The following DOCK7 variants were observed in gnomAD, a reference collection of about 807,000 sequenced individuals.
DOCK7 encodes dedicator of cytokinesis 7.
Under a neutral mutation model 271.0 loss-of-function variants are expected in DOCK7, and 138 were observed. The observed-to-expected ratio is 0.51, with a 90% CI of 0.44 to 0.59. The LOEUF is 0.59. Ranked by LOEUF, DOCK7 falls within the 20% of genes least tolerant of loss-of-function variation. DOCK7 has a pLI of 0.00. For missense variants in DOCK7, 2,066 were observed against 2,592.4 expected (o/e 0.80, Z 4.41); for synonymous variants, 823 against 876.1 (o/e 0.94, Z 1.07).
At chr1:62,626,917 C>T (rs964988853) in intron 11 of DOCK7, among the ~76,000 whole-genome samples, 2 of 152,050 alleles carry the variant, frequency 1.3e-5, no homozygotes, top group Non-Finnish European at 2.9e-5. Context: ...GATACCAAAA[C>T]CAGACAGAGT....
chr1:62,578,999 A>G (rs756740692), intron 16 of DOCK7, 33 bp from the exon 17 acceptor site: 3 of 1,503,910 alleles, frequency 2.0e-6, no homozygotes. Flanking sequence ...ATCAACAGTC[A>G]GTAATTTGTC....
intron 14 of DOCK7, among the ~76,000 whole-genome samples, chr1:62,616,400 A>G (rs1652440309): frequency 1.3e-5 from 2 of 151,828 alleles, no homozygotes; most frequent in African/African-American, 4.8e-5. Flanking sequence ...TTAAACAAAT[A>G]TAAATAATGG....
intron 24 of DOCK7, 191 bp downstream of exon 24, chr1:62,543,465 T>C (rs1219547662): frequency 9.7e-6 from 4 of 412,440 alleles, no homozygotes; most frequent in Non-Finnish European, 1.8e-5. Context: ...AACATTATCA[T>C]AATGTAAAAA....
At chr1:62,623,226 C>A (rs973817386) in intron 12 of DOCK7, among the ~76,000 whole-genome samples, 1 of 152,190 alleles carries the variant, frequency 6.6e-6, no homozygotes, top group African/African-American at 2.4e-5. Context: ...AAATGGTAAT[C>A]TCTTTTTTTA....
chr1:62,571,322 C>T (rs1303844813), intron 18 of DOCK7, among the ~76,000 whole-genome samples: 6 of 152,140 alleles, frequency 3.9e-5, no homozygotes, highest in African/African-American at 1.4e-4. Flanking sequence ...CACTGATCAT[C>T]AGATAAATGC....
intron 1 of DOCK7, among the ~76,000 whole-genome samples, chr1:62,665,565 G>A (rs1245733740): frequency 6.6e-6 from 1 of 151,594 alleles, no homozygotes; most frequent in African/African-American, 2.4e-5. Flanking sequence ...TTAGCCAGGC[G>A]TGGTGGTGCC....
At chr1:62,650,479 AAAG>A (rs771799062) in intron 4 of DOCK7, among the ~76,000 whole-genome samples, 2 of 152,248 alleles carry the variant, frequency 1.3e-5, no homozygotes, top group Non-Finnish European at 2.9e-5. Flanking sequence ...CTGCACAGCA[AAAG>A]AAACTACCAT....
chr1:62,633,490 C>T lies in DOCK7; in HGVS notation c.1116+8G>A. The T allele has an allele frequency of 6.3e-7, 1 of 1,593,906 alleles. No individual in the cohort carries two copies. ...AATGTGGCGGAAATGAGAAGCATAACATTCTACCTTGGTGGCATCTGCTTC... is the reference window on the plus strand; with the variant it reads ...AATGTGGCGGAAATGAGAAGCATAATATTCTACCTTGGTGGCATCTGCTTC... On this transcript the variant is annotated splice_region_variant and intron_variant, in intron 10 of 49. Transcript: ENST00000635253.
At chr1:62,505,561 A>G (rs1571325833) in intron 36 of DOCK7, 121 bp downstream of exon 36, 51 of 1,097,198 alleles carry the variant, frequency 4.6e-5, no homozygotes, top group Non-Finnish European at 6.0e-5. Context: ...TTTAAATTTT[A>G]ACTACACATA....
At chr1:62,524,953 A>ATATATG (rs1325570197) in intron 31 of DOCK7, among the ~76,000 whole-genome samples, 1 of 119,420 alleles carries the variant, frequency 8.4e-6, no homozygotes, top group Admixed American at 9.0e-5. Context: ...ATATATATAT[A>ATATATG]TATTACTATA....
At chr1:62,667,398 T>G (rs1378113034) in intron 1 of DOCK7, among the ~76,000 whole-genome samples, 1 of 152,196 alleles carries the variant, frequency 6.6e-6, no homozygotes, top group East Asian at 1.9e-4. Context: ...AAAAAAGGAC[T>G]AGCTAAAAAT....
intron 1 of DOCK7, among the ~76,000 whole-genome samples, chr1:62,671,807 T>C (rs1327293690): frequency 6.6e-6 from 1 of 152,148 alleles, no homozygotes; most frequent in African/African-American, 2.4e-5. Context: ...AAAAACAATT[T>C]TTTTAACAGG....
chr1:62,583,829 A>G (rs1647215572), intron 15 of DOCK7, among the ~76,000 whole-genome samples: 1 of 152,186 alleles, frequency 6.6e-6, no homozygotes, highest in South Asian at 2.1e-4. Flanking sequence ...ATTAAAAAGA[A>G]TACAATATTA....
intron 43 of DOCK7, chr1:62,484,027 TC>T (rs769498587): frequency 2.0e-5 from 3 of 152,238 alleles, no homozygotes; most frequent in Admixed American, 6.5e-5. Context: ...CTGTTTCTAA[TC>T]CTGTTCTATC....
intron 12 of DOCK7, among the ~76,000 whole-genome samples, chr1:62,620,709 T>A: frequency 6.6e-6 from 1 of 150,926 alleles, no homozygotes; most frequent in South Asian, 2.1e-4. Context: ...TGAAACCCTG[T>A]CTCTACTAAA....
rs1430277421 is a variant in DOCK7 at position 62,555,886 on chromosome 1, A to T, written c.2535T>A (p.Leu845=). The T allele has an allele frequency of 3.7e-6, 6 of 1,613,844 alleles. No homozygotes were observed. Among genetic ancestry groups the T allele is most frequent in the Non-Finnish European group, 5.1e-6 (6 of 1,179,946 alleles). ...GGAAAACATAATGAATATATGATGC[A>T]AGAAGGCTGTTTCTGCCATGCTGGT... ...NHDQHGRNSL[L]ASYIHYVFRL... The change falls in exon 21 of 50, where the codon CTT becomes CTA. Residue 845 remains leucine (L), a synonymous_variant. Coordinates refer to ENST00000635253, the MANE Select transcript of DOCK7 (RefSeq NM_001367561.1).
intron 41 of DOCK7, among the ~76,000 whole-genome samples, chr1:62,492,073 T>C (rs1646482431): frequency 6.6e-6 from 1 of 151,778 alleles, no homozygotes; most frequent in African/African-American, 2.4e-5. Context: ...TAGCCAGGTG[T>C]GATGGTGTGC....
intron 14 of DOCK7, chr1:62,597,909 AAT>A (rs769518625): frequency 6.4e-6 from 10 of 1,563,440 alleles, no homozygotes; most frequent in Middle Eastern, 1.7e-4. Context: ...AGAGGTAAAG[AAT>A]ATGTCACTTG....
rs545300895 is a variant in DOCK7 at position 62,576,919 on chromosome 1, T to C, written c.2112+343A>G. Among the ~76,000 whole-genome samples the C allele has an allele frequency of 7.2e-5, 11 of 152,302 alleles. No homozygotes were observed. In the South Asian group the frequency reaches 2.3e-3, roughly 32 times the overall value. On this transcript the variant is annotated intron_variant, in intron 18 of 49. Coordinates refer to ENST00000635253, the MANE Select transcript of DOCK7 (RefSeq NM_001367561.1). ...CAGTCTTTTAGTGAAATGTTAAGTCTACTAAAAATAAAAAAGAAATATTCA... is the reference window on the plus strand; with the variant it reads ...CAGTCTTTTAGTGAAATGTTAAGTCCACTAAAAATAAAAAAGAAATATTCA...
Sources: gnomAD v4.1 joint callset for allele counts (sites outside exome capture counted in the v4.1 genomes callset) on GRCh38, gnomAD v4.1.1 for gene constraint, MANE v1.5 for transcripts, NCBI Gene and HGNC (gene_info 2026-07-23, HGNC 2026-07-21) for gene names.